The following HARBI1 variants were observed in gnomAD, a reference collection of about 807,000 sequenced individuals.
HARBI1 encodes the protein putative nuclease HARBI1.
In HARBI1, 15 loss-of-function variants were observed where a neutral mutation model predicts 25.3. The observed-to-expected ratio is 0.59, with a 90% CI of 0.40 to 0.91. HARBI1 has a LOEUF of 0.91. Among genes scored for constraint, HARBI1 ranks in the 40% least tolerant of loss-of-function variants. The pLI, the probability that HARBI1 is intolerant of heterozygous loss-of-function variation, is 0.00. For missense variants in HARBI1, 396 were observed against 445.8 expected, an observed-to-expected ratio of 0.89 and a Z score of 1.01; for synonymous variants, 168 against 160.5, an observed-to-expected ratio of 1.05 and a Z score of -0.35.
At chr11:46,615,080 T>C (rs1395119929) in intron 2 of HARBI1, among the ~76,000 whole-genome samples, 1 of 150,410 alleles carries the variant, frequency 6.6e-6, no homozygotes, top group Non-Finnish European at 1.5e-5. Context: ...GCCCGGCTAA[T>C]TTTGTATTTT....
chr11:46,608,564 C>T (rs2135386721), intron 2 of HARBI1, among the ~76,000 whole-genome samples: 1 of 152,012 alleles, frequency 6.6e-6, no homozygotes, highest in East Asian at 1.9e-4. Context: ...CCCAGGTCAG[C>T]CTCCTGAGTA....
rs2045397135 is a variant in HARBI1 at position 46,615,868 on chromosome 11, C to A, written c.370G>T (p.Asp124Tyr). ...RASQFIRFPA[D>Y]EASIQALKDE... ...TTCAGAGCCTGAATGGAGGCTTCAT[C>A]AGCTGGAAAGCGAATGAACTGTGAG... The change falls in exon 2 of 3, where the codon GAT becomes TAT. Residue 124 changes from aspartate (D) to tyrosine (Y), a missense_variant. Asp to Tyr is a radical substitution (Grantham distance 160). Transcript: ENST00000326737. 6.2e-7 allele frequency: 1 copy of A among 1,614,086 alleles called. No individual in the cohort carries two copies. The highest frequency in any genetic ancestry group is 1.3e-5 in the African/African-American group (1 of 74,930).
At chr11:46,607,911 CAAAA>C (rs201193777) in intron 2 of HARBI1, among the ~76,000 whole-genome samples, 1 of 74,892 alleles carries the variant, frequency 1.3e-5, no homozygotes, top group African/African-American at 4.3e-5. Flanking sequence ...AAAAATAATG[CAAAA>C]AAAAAAAAAA....
chr11:46,616,495 G>A (rs756603486), intron 1 of HARBI1, 114 bp from the exon 2 acceptor site: 17 of 1,276,296 alleles, frequency 1.3e-5, no homozygotes, highest in South Asian at 2.1e-5. Flanking sequence ...AAAACGTACT[G>A]TACTTACAAC....
At chr11:46,611,102 G>A (rs1373415265) in intron 2 of HARBI1, among the ~76,000 whole-genome samples, 1 of 150,288 alleles carries the variant, frequency 6.7e-6, no homozygotes, top group African/African-American at 2.5e-5. Flanking sequence ...CCACCTCCCG[G>A]GTTCACGCCA....
chr11:46,609,512 A>G (rs945733553), intron 2 of HARBI1, among the ~76,000 whole-genome samples: 3 of 147,952 alleles, frequency 2.0e-5, no homozygotes, highest in African/African-American at 7.7e-5. Flanking sequence ...GTGCCTGGGT[A>G]ATTTTTGTAT....
chr11:46,616,624 A>G, intron 1 of HARBI1: 1 of 1,013,502 alleles, frequency 9.9e-7, no homozygotes, highest in East Asian at 9.7e-5. Flanking sequence ...GAACACCAAA[A>G]GAATAATGGA....
intron 2 of HARBI1, among the ~76,000 whole-genome samples, chr11:46,606,152 C>A (rs1280319821): frequency 1.3e-5 from 2 of 152,244 alleles, no homozygotes; most frequent in East Asian, 3.9e-4. Flanking sequence ...TCCCAAAGTG[C>A]TGGGATTACA....
chr11:46,603,966 G>A (rs1291824276), intron 2 of HARBI1, 57 bp from the exon 3 acceptor site: 11 of 1,519,206 alleles, frequency 7.2e-6, no homozygotes, highest in South Asian at 6.5e-5. Flanking sequence ...GAAACAGGAA[G>A]TGAAATTCAG....
At chr11:46,604,026 A>C (rs1285958818) in intron 2 of HARBI1, 117 bp from the exon 3 acceptor site, 2 of 1,428,360 alleles carry the variant, frequency 1.4e-6, no homozygotes, top group Non-Finnish European at 9.1e-7. Context: ...TCTGGCGCCA[A>C]AGCACACTAG....
chr11:46,609,362 T>C (rs2045085536), intron 2 of HARBI1, among the ~76,000 whole-genome samples: 1 of 151,710 alleles, frequency 6.6e-6, no homozygotes, highest in South Asian at 2.1e-4. Context: ...TCTTTTTTTT[T>C]TTAAGATGGA....
At chr11:46,606,539 C>T (rs2044960944) in intron 2 of HARBI1, among the ~76,000 whole-genome samples, 2 of 152,058 alleles carry the variant, frequency 1.3e-5, no homozygotes, top group Admixed American at 1.3e-4. Context: ...GTCTCAAACT[C>T]CCAACCTCAG....
At chr11:46,604,075 T>C in intron 2 of HARBI1, 166 bp from the exon 3 acceptor site, 2 of 985,342 alleles carry the variant, frequency 2.0e-6, no homozygotes, top group Non-Finnish European at 2.4e-6. Flanking sequence ...AAAGAAATCA[T>C]GCCAATGCCA....
At chr11:46,605,094 G>A (rs941344263) in intron 2 of HARBI1, among the ~76,000 whole-genome samples, 3 of 152,172 alleles carry the variant, frequency 2.0e-5, no homozygotes, top group Non-Finnish European at 2.9e-5. Context: ...ATAGGCCCTG[G>A]AGTACCAGTT....
chr11:46,606,330 T>C (rs2044949789), intron 2 of HARBI1, among the ~76,000 whole-genome samples: 1 of 151,820 alleles, frequency 6.6e-6, no homozygotes, highest in Admixed American at 6.6e-5. Context: ...TTTTTTTTTT[T>C]GAGACGGAGC....
At position 46,603,425 on chromosome 11, in the gene HARBI1, T is replaced by C; in HGVS notation, c.*105A>G. The C allele has an allele frequency of 1.0e-6, 1 of 997,196 alleles. No homozygotes were observed. Among genetic ancestry groups the C allele is most frequent in the East Asian group, 2.4e-5 (1 of 41,224 alleles). 61.8% of individuals were successfully genotyped at this position (997,196 alleles called of 1,614,324 possible). On this transcript the variant is annotated 3_prime_UTR_variant, in exon 3 of 3. Coordinates refer to ENST00000326737, the MANE Select transcript of HARBI1 (RefSeq NM_173811.4). Reference sequence around the variant, plus strand: ...ATATTAAATGTCAGTTTATGACAAGTATCTGTATACTCAGTCATGCTAGAT... The same window carrying C: ...ATATTAAATGTCAGTTTATGACAAGCATCTGTATACTCAGTCATGCTAGAT...
intron 2 of HARBI1, among the ~76,000 whole-genome samples, chr11:46,605,585 A>T (rs1273165136): frequency 3.0e-5 from 4 of 131,960 alleles, no homozygotes; most frequent in African/African-American, 8.2e-5. Context: ...CCCAGGTATA[A>T]CCTTTTTTTT....
In HARBI1 at chr11:46,616,366, A is replaced by G. The variant is rs545102921; in HGVS notation, c.-129T>C. ...CTAACCACAGTTAAATGGCTCTGCC[A>G]TTTATAATCTTCTCTCTGTAAATGT... On this transcript the variant is annotated 5_prime_UTR_variant, in exon 2 of 3. It removes an upstream start codon present in the reference 5' UTR. Transcript: ENST00000326737. The G allele has an allele frequency of 1.6e-4, 232 of 1,460,928 alleles. 3 individuals carry two copies. In the South Asian group the frequency reaches 2.8e-3, roughly 17 times the overall value. 90.5% of individuals were successfully genotyped at this position (1,460,928 alleles called of 1,614,324 possible). A position where few individuals can be genotyped will look rare whatever the true frequency, so the allele number is the denominator to read the frequency against.
At position 46,604,279 on chromosome 11, in the gene HARBI1, C is replaced by T. The variant is rs1002356829; in HGVS notation, c.671-370G>A. 31 of 961,140 alleles carry T rather than the reference C, an allele frequency of 3.2e-5. No homozygotes were observed. The South Asian group carries it at 8.7e-4, about 27-fold the overall frequency. The allele number at this position is 961,140 out of a possible 1,614,324, so 59.5% of individuals were successfully genotyped here. A position where few individuals can be genotyped will look rare whatever the true frequency, so the allele number is the denominator to read the frequency against. Reference sequence around the variant, plus strand: ...ATGACAGCACTTTGGGAGGCTGAGGCGGGTGGATCACCAACTGAGGCCCGG... The same window carrying T: ...ATGACAGCACTTTGGGAGGCTGAGGTGGGTGGATCACCAACTGAGGCCCGG... On this transcript the variant is annotated intron_variant, in intron 2 of 2. Coordinates refer to ENST00000326737, the MANE Select transcript of HARBI1 (RefSeq NM_173811.4).
Sources: gnomAD v4.1 joint callset for allele counts (sites outside exome capture counted in the v4.1 genomes callset) on GRCh38, gnomAD v4.1.1 for gene constraint, MANE v1.5 for transcripts, NCBI Gene and HGNC (gene_info 2026-07-23, HGNC 2026-07-21) for gene names.